TNIK: variants seen among roughly 807,000 people sequenced by gnomAD.
TNIK encodes the protein TRAF2 and NCK-interacting protein kinase.
Under a neutral mutation model 191.3 loss-of-function variants are expected in TNIK, and 49 were observed. The ratio of observed to expected loss-of-function variants is 0.26; its 90% CI spans 0.20 to 0.32. The LOEUF (loss-of-function observed/expected upper bound fraction) is 0.32, where lower values mean the gene tolerates loss of function less well. Ranked by LOEUF, TNIK falls within the 10% of genes least tolerant of loss-of-function variation. The pLI is 1.00. For synonymous variants in TNIK, 594 were observed against 600.9 expected, an observed-to-expected ratio of 0.99 and a Z score of 0.17; for missense variants, 1,155 against 1,702.3, an observed-to-expected ratio of 0.68 and a Z score of 5.66.
At chr3:171,387,257 G>A (rs1290833589) in intron 1 of TNIK, among the ~76,000 whole-genome samples, 2 of 152,212 alleles carry the variant, frequency 1.3e-5, no homozygotes, top group African/African-American at 4.8e-5. Context: ...AGGCCTACTT[G>A]AGAGGCAGTA....
chr3:171,243,876 T>C (rs1745268522), intron 2 of TNIK, among the ~76,000 whole-genome samples: 1 of 152,044 alleles, frequency 6.6e-6, no homozygotes, highest in Non-Finnish European at 1.5e-5. Context: ...TTAGGAAACA[T>C]AATAATTAAA....
chr3:171,143,996 GA>G (rs911278711), intron 12 of TNIK, among the ~76,000 whole-genome samples: 35 of 151,862 alleles, frequency 2.3e-4, no homozygotes, highest in Admixed American at 1.9e-3. Flanking sequence ...GTCTAAACTG[GA>G]AAAAAAGGGA....
intron 2 of TNIK, among the ~76,000 whole-genome samples, chr3:171,257,696 C>T (rs185367850): frequency 3.7e-4 from 57 of 152,276 alleles, no homozygotes; most frequent in Admixed American, 9.1e-4. Flanking sequence ...AAGCACTGTC[C>T]GCCAAGATCC....
chr3:171,450,203 C>A, intron 1 of TNIK, among the ~76,000 whole-genome samples: 1 of 152,186 alleles, frequency 6.6e-6, no homozygotes, highest in East Asian at 1.9e-4. Flanking sequence ...CCTCTTTGCA[C>A]ATAGAATCGT....
intron 2 of TNIK, among the ~76,000 whole-genome samples, chr3:171,310,658 T>G (rs1343278058): frequency 2.6e-5 from 4 of 152,186 alleles, no homozygotes. Flanking sequence ...TTTTACTTTT[T>G]GTATGAAAAT....
At chr3:171,388,460 T>A (rs1005123281) in intron 1 of TNIK, among the ~76,000 whole-genome samples, 6 of 152,208 alleles carry the variant, frequency 3.9e-5, no homozygotes, top group African/African-American at 1.4e-4. Context: ...ATTGTAGAAA[T>A]CATTTCAGTT....
chr3:171,264,345 C>T (rs1748112301), intron 2 of TNIK, among the ~76,000 whole-genome samples: 1 of 151,798 alleles, frequency 6.6e-6, no homozygotes, highest in African/African-American at 2.4e-5. Flanking sequence ...TACACACACA[C>T]ACACACATAT....
At chr3:171,113,323 C>T (rs1332541541) in intron 18 of TNIK, among the ~76,000 whole-genome samples, 3 of 151,942 alleles carry the variant, frequency 2.0e-5, no homozygotes, top group Admixed American at 2.0e-4. Flanking sequence ...AATGCTAATT[C>T]GGCCAGGCAC....
intron 15 of TNIK, among the ~76,000 whole-genome samples, chr3:171,131,207 G>A (rs909159938): frequency 1.3e-5 from 2 of 150,842 alleles, no homozygotes; most frequent in African/African-American, 4.9e-5. Context: ...GCGTGGTAGC[G>A]GGCGCCGGTA....
At chr3:171,387,249 G>T (rs1718846993) in intron 1 of TNIK, among the ~76,000 whole-genome samples, 1 of 152,170 alleles carries the variant, frequency 6.6e-6, no homozygotes, top group South Asian at 2.1e-4. Flanking sequence ...AGAAATGAAG[G>T]CCTACTTGAG....
intron 29 of TNIK, among the ~76,000 whole-genome samples, chr3:171,070,727 T>C (rs1401426800): frequency 6.6e-6 from 1 of 152,126 alleles, no homozygotes; most frequent in Admixed American, 6.5e-5. Context: ...AATAGAAGAA[T>C]GCAGAGAAAC....
At chr3:171,152,832 C>CATG (rs1732640906) in intron 12 of TNIK, among the ~76,000 whole-genome samples, 1 of 151,154 alleles carries the variant, frequency 6.6e-6, no homozygotes, top group East Asian at 1.9e-4. Flanking sequence ...AGTGCAGTGG[C>CATG]ATGATCTTGG....
chr3:171,296,843 TTC>T (rs1236859968), intron 2 of TNIK, among the ~76,000 whole-genome samples: 1 of 152,228 alleles, frequency 6.6e-6, no homozygotes, highest in Non-Finnish European at 1.5e-5. Flanking sequence ...CAAAACAACT[TTC>T]TCCTCTATCA....
intron 22 of TNIK, 68 bp downstream of exon 22, chr3:171,101,381 T>C: frequency 6.7e-7 from 1 of 1,498,972 alleles, no homozygotes; most frequent in Non-Finnish European, 8.9e-7. Context: ...TTAACTCATA[T>C]TTTTTTGTCC....
intron 25 of TNIK, among the ~76,000 whole-genome samples, 174 bp downstream of exon 25, chr3:171,084,944 A>T (rs1721148055): frequency 6.6e-6 from 1 of 152,222 alleles, no homozygotes; most frequent in African/African-American, 2.4e-5. Context: ...AATGGAAAGT[A>T]ATACATTTGT....
At chr3:171,141,947 G>C (rs1730903578) in intron 12 of TNIK, among the ~76,000 whole-genome samples, 1 of 152,182 alleles carries the variant, frequency 6.6e-6, no homozygotes, top group African/African-American at 2.4e-5. Flanking sequence ...CAACCAGGGA[G>C]ATAGTTTTTT....
chr3:171,421,540 T>C (rs1280548244), intron 1 of TNIK, among the ~76,000 whole-genome samples: 1 of 152,170 alleles, frequency 6.6e-6, no homozygotes, highest in Non-Finnish European at 1.5e-5. Flanking sequence ...CCTGTGGTTG[T>C]ACACTGTAGT....
chr3:171,355,669 A>T (rs1470639480), intron 2 of TNIK, among the ~76,000 whole-genome samples: 6 of 152,250 alleles, frequency 3.9e-5, no homozygotes, highest in African/African-American at 1.4e-4. Context: ...CATCTCTAGC[A>T]TTCCTGGGTT....
Position 171,063,611 on chromosome 3 carries a change from G to T in TNIK, c.*270C>A. 2.9e-6 allele frequency: 1 copy of T among 339,036 alleles called. No homozygotes were observed. Among genetic ancestry groups the T allele is most frequent in the South Asian group, 7.5e-5 (1 of 13,366 alleles). The allele number at this position is 339,036 out of a possible 1,614,324, so 21.0% of individuals were successfully genotyped here. The stretch of plus-strand genomic sequence containing the variant: ...AATATTTGTTTCTATCCCTAATTCC[G>T]AAGGGCACATGGTCCATCTTTGTCC... On this transcript the variant is annotated 3_prime_UTR_variant, in exon 33 of 33. Transcript: ENST00000436636.
Sources: allele counts gnomAD v4.1 joint callset (sites outside exome capture counted in the v4.1 genomes callset), GRCh38; gene constraint gnomAD v4.1.1; transcripts MANE v1.5; gene names NCBI Gene and HGNC (gene_info 2026-07-23, HGNC 2026-07-21).